The following CNTNAP2 variants were observed in gnomAD, a reference collection of about 807,000 sequenced individuals.
CNTNAP2 encodes the protein contactin associated protein 2.
A neutral mutation model predicts 155.2 loss-of-function variants in CNTNAP2; 98 were observed. The observed-to-expected ratio is 0.63, with a 90% CI of 0.54 to 0.75. The LOEUF is 0.75. Ranked by LOEUF, CNTNAP2 falls within the 30% of genes least tolerant of loss-of-function variation. The pLI is 0.00. For missense variants in CNTNAP2, 1,727 were observed against 1,688.1 expected, an observed-to-expected ratio of 1.02 and a Z score of -0.40; for synonymous variants, 651 against 631.2, an observed-to-expected ratio of 1.03 and a Z score of -0.47.
rs1802070555 is a variant in CNTNAP2 at position 146,760,324 on chromosome 7, C to A, written c.98-13947C>A. 2.0e-5 allele frequency among the ~76,000 whole-genome samples: 3 copies of A among 150,868 alleles called. No homozygotes were observed. The South Asian group carries it at 6.3e-4, about 32-fold the overall frequency. ...TCTGGTTGAAAAACAAATTCAGTCA[C>A]CTTCTAAAATATCTTTCACCACTTT... On this transcript the variant is annotated intron_variant, in intron 1 of 23. Transcript: ENST00000361727.
At chr7:148,302,233 T>A (rs1797403433) in intron 21 of CNTNAP2, among the ~76,000 whole-genome samples, 1 of 152,150 alleles carries the variant, frequency 6.6e-6, no homozygotes, top group Non-Finnish European at 1.5e-5. Flanking sequence ...GTAGGGTATA[T>A]AATGAGTTAA....
At chr7:147,668,150 G>GA (rs1202332351) in intron 13 of CNTNAP2, among the ~76,000 whole-genome samples, 1 of 152,050 alleles carries the variant, frequency 6.6e-6, no homozygotes, top group Non-Finnish European at 1.5e-5. Context: ...AGAGGCAACA[G>GA]AAAAGGAAAC....
chr7:146,896,596 C>G (rs567415671), intron 3 of CNTNAP2, among the ~76,000 whole-genome samples: 1 of 152,062 alleles, frequency 6.6e-6, no homozygotes, highest in South Asian at 2.1e-4. Context: ...CAGGCAATAT[C>G]AAATATTATG....
At position 146,761,974 on chromosome 7, in the gene CNTNAP2, T is replaced by C. The variant is rs1395051591; in HGVS notation, c.98-12297T>C. On this transcript the variant is annotated intron_variant, in intron 1 of 23. Coordinates refer to ENST00000361727, the MANE Select transcript of CNTNAP2 (RefSeq NM_014141.6). ...AATCTAAATATATTTAAGAAAGATA[T>C]AGTTAATTAATGCCAGATTAACAGA... Among the ~76,000 whole-genome samples the C allele has an allele frequency of 2.6e-5, 4 of 152,194 alleles. No individual in the cohort carries two copies. In the East Asian group the frequency reaches 5.8e-4, roughly 22 times the overall value.
intron 1 of CNTNAP2, among the ~76,000 whole-genome samples, chr7:146,287,250 G>A (rs951427034): frequency 6.6e-6 from 1 of 152,136 alleles, no homozygotes; most frequent in Non-Finnish European, 1.5e-5. Context: ...TGAAACTCAC[G>A]TGAGATCAAT....
chr7:146,569,677 A>G (rs1482276567), intron 1 of CNTNAP2, among the ~76,000 whole-genome samples: 1 of 152,202 alleles, frequency 6.6e-6, no homozygotes, highest in African/African-American at 2.4e-5. Context: ...CTGACTGACA[A>G]CTTCAAAGCT....
intron 12 of CNTNAP2, among the ~76,000 whole-genome samples, chr7:147,581,894 C>A (rs867868216): frequency 1.3e-5 from 2 of 151,968 alleles, no homozygotes; most frequent in Admixed American, 1.3e-4. Flanking sequence ...TAGTAAGGGC[C>A]TGCCTATTTA....
chr7:146,644,199 G>A (rs1799768021), intron 1 of CNTNAP2, among the ~76,000 whole-genome samples: 5 of 152,162 alleles, frequency 3.3e-5, no homozygotes, highest in South Asian at 2.1e-4. Flanking sequence ...ATGTTGAATA[G>A]GAGTGGTGAG....
At chr7:146,498,928 AG>A (rs538881491) in intron 1 of CNTNAP2, among the ~76,000 whole-genome samples, 298 of 152,342 alleles carry the variant, frequency 2.0e-3, no homozygotes, top group African/African-American at 6.7e-3. Flanking sequence ...TGTAAGATCA[AG>A]AAGTATGATC....
chr7:146,727,424 C>T (rs1328374514), intron 1 of CNTNAP2, among the ~76,000 whole-genome samples: 2 of 152,138 alleles, frequency 1.3e-5, no homozygotes, highest in Non-Finnish European at 2.9e-5. Context: ...CTTTAGATCC[C>T]AGGGCACTTA....
At chr7:146,653,810 A>G (rs1229051570) in intron 1 of CNTNAP2, among the ~76,000 whole-genome samples, 1 of 152,146 alleles carries the variant, frequency 6.6e-6, no homozygotes, top group African/African-American at 2.4e-5. Context: ...GGCTGAAAGG[A>G]AATCTCTCAT....
At chr7:147,111,282 G>C (rs1393800951) in intron 5 of CNTNAP2, among the ~76,000 whole-genome samples, 1 of 152,064 alleles carries the variant, frequency 6.6e-6, no homozygotes, top group Non-Finnish European at 1.5e-5. Flanking sequence ...TTGTCAGATG[G>C]ATAGATTGCA....
intron 8 of CNTNAP2, among the ~76,000 whole-genome samples, chr7:147,141,025 A>G (rs1185159654): frequency 2.6e-5 from 4 of 152,162 alleles, no homozygotes; most frequent in African/African-American, 4.8e-5. Flanking sequence ...TGCTTACACT[A>G]TACCTGTCAC....
At chr7:147,743,787 G>A (rs895859691) in intron 13 of CNTNAP2, among the ~76,000 whole-genome samples, 1 of 151,832 alleles carries the variant, frequency 6.6e-6, no homozygotes, top group South Asian at 2.1e-4. Context: ...TTCAGTCCCA[G>A]GTTTATCTCC....
At chr7:148,230,372 G>C (rs892811045) in intron 20 of CNTNAP2, among the ~76,000 whole-genome samples, 7 of 152,136 alleles carry the variant, frequency 4.6e-5, no homozygotes, top group African/African-American at 1.7e-4. Flanking sequence ...GATTTTTACA[G>C]TGAAGAAACC....
intron 1 of CNTNAP2, among the ~76,000 whole-genome samples, chr7:146,199,434 T>A (rs1798824793): frequency 6.6e-6 from 1 of 151,702 alleles, no homozygotes; most frequent in Non-Finnish European, 1.5e-5. Context: ...GAGGAACAAA[T>A]GAGATAGGAA....
intron 16 of CNTNAP2, among the ~76,000 whole-genome samples, chr7:148,138,973 C>G (rs981493874): frequency 1.3e-5 from 2 of 152,120 alleles, no homozygotes; most frequent in Admixed American, 1.3e-4. Flanking sequence ...ATTTTAAAGA[C>G]AGCTTTCTGT....
intron 3 of CNTNAP2, among the ~76,000 whole-genome samples, chr7:147,033,690 G>C (rs754997699): frequency 3.3e-5 from 5 of 151,670 alleles, no homozygotes; most frequent in Admixed American, 1.3e-4. Context: ...AGATACACAG[G>C]GACCAAAGAG....
intron 3 of CNTNAP2, among the ~76,000 whole-genome samples, chr7:146,975,452 G>A (rs931803511): frequency 6.6e-6 from 1 of 151,534 alleles, no homozygotes; most frequent in African/African-American, 2.4e-5. Flanking sequence ...GCAACAGAGT[G>A]AGACTCTGTC....
Sources: gnomAD v4.1 joint callset for allele counts (sites outside exome capture counted in the v4.1 genomes callset) on GRCh38, gnomAD v4.1.1 for gene constraint, MANE v1.5 for transcripts, NCBI Gene and HGNC (gene_info 2026-07-23, HGNC 2026-07-21) for gene names.